STAG1: variants seen among roughly 807,000 people sequenced by gnomAD.
STAG1 encodes cohesin subunit SA-1.
Under a neutral mutation model 170.9 loss-of-function variants are expected in STAG1, and 26 were observed. The observed-to-expected ratio is 0.15, with a 90% CI of 0.11 to 0.21. The LOEUF (loss-of-function observed/expected upper bound fraction) is 0.21. Among genes scored for constraint, STAG1 ranks in the 10% least tolerant of loss-of-function variants. The probability of loss-of-function intolerance (pLI) is 1.00; values close to 1 mark genes in which losing one functional copy is unlikely to be tolerated. For synonymous variants in STAG1, 514 were observed against 497.7 expected, an observed-to-expected ratio of 1.03 and a Z score of -0.44; for missense variants, 964 against 1,509.5, an observed-to-expected ratio of 0.64 and a Z score of 5.99.
intron 6 of STAG1, among the ~76,000 whole-genome samples, chr3:136,523,233 A>G (rs1460813983): frequency 6.6e-6 from 1 of 152,134 alleles, no homozygotes; most frequent in East Asian, 1.9e-4. Flanking sequence ...AGTACCTGTC[A>G]TTTCCCGGCT....
Position 136,417,859 on chromosome 3 carries a change from C to G in STAG1, c.2196+26G>C. 7 of 1,571,756 alleles carry G rather than the reference C, an allele frequency of 4.5e-6. No homozygotes were observed. The Middle Eastern group carries it at 6.7e-4, about 150-fold the overall frequency. On this transcript the variant is annotated intron_variant, in intron 21 of 33. Coordinates refer to ENST00000383202, the MANE Select transcript of STAG1 (RefSeq NM_005862.3). ...AGAAAAACAACTTTCTAGAGTCATA[C>G]AGAAGGAATACCAATAAACTCCTAC...
intron 29 of STAG1, 147 bp downstream of exon 29, chr3:136,349,011 A>C: frequency 1.5e-6 from 1 of 655,156 alleles, no homozygotes; most frequent in Non-Finnish European, 2.6e-6. Flanking sequence ...CATCTGTTTC[A>C]ACCTTTTTGC....
intron 14 of STAG1, among the ~76,000 whole-genome samples, chr3:136,444,138 A>G (rs1348794402): frequency 1.3e-5 from 2 of 150,980 alleles, no homozygotes; most frequent in Non-Finnish European, 2.9e-5. Context: ...CAGTGGTGTG[A>G]CCTCAGCTCA....
At chr3:136,672,740 T>C (rs1301343581) in intron 1 of STAG1, among the ~76,000 whole-genome samples, 2 of 151,938 alleles carry the variant, frequency 1.3e-5, no homozygotes, top group Non-Finnish European at 2.9e-5. Context: ...CCAAGATACA[T>C]GCTAGTCATA....
intron 30 of STAG1, among the ~76,000 whole-genome samples, chr3:136,341,923 G>A (rs567080370): frequency 4.6e-5 from 7 of 152,314 alleles, no homozygotes; most frequent in South Asian, 2.1e-4. Flanking sequence ...CAACAAGGAA[G>A]AATATAGCAT....
intron 31 of STAG1, 76 bp from the exon 32 acceptor site, chr3:136,340,681 G>A (rs1452060247): frequency 8.3e-6 from 8 of 958,332 alleles, no homozygotes; most frequent in Non-Finnish European, 1.4e-5. Context: ...TCAGATTAAA[G>A]TTATTCTAAC....
At chr3:136,746,036 A>G (rs1934920539) in intron 1 of STAG1, among the ~76,000 whole-genome samples, 3 of 152,208 alleles carry the variant, frequency 2.0e-5, no homozygotes, top group Non-Finnish European at 2.9e-5. Flanking sequence ...CAACTGAATT[A>G]TAAGACACTT....
chr3:136,551,212 A>AGT (rs1239842914), intron 5 of STAG1, among the ~76,000 whole-genome samples: 1,115 of 40,688 alleles, frequency 0.027, 5 homozygotes, highest in South Asian at 0.04. Context: ...AGAGAGTGAG[A>AGT]GAGAGAGAGA....
At chr3:136,706,338 C>T (rs571795073) in intron 1 of STAG1, among the ~76,000 whole-genome samples, 1 of 151,962 alleles carries the variant, frequency 6.6e-6, no homozygotes, top group Non-Finnish European at 1.5e-5. Context: ...ATAAAATATT[C>T]CAAAGAATCA....
At chr3:136,415,816 G>A (rs1301310553) in intron 21 of STAG1, among the ~76,000 whole-genome samples, 1 of 151,946 alleles carries the variant, frequency 6.6e-6, no homozygotes, top group Non-Finnish European at 1.5e-5. Context: ...AGCGAGACTC[G>A]GTCTCAAACA....
chr3:136,694,066 A>C (rs1942807387), intron 1 of STAG1, among the ~76,000 whole-genome samples: 1 of 152,208 alleles, frequency 6.6e-6, no homozygotes, highest in African/African-American at 2.4e-5. Flanking sequence ...ATTTTCTCTG[A>C]ATACCACCTG....
chr3:136,551,973 C>T (rs1461210169), intron 5 of STAG1, among the ~76,000 whole-genome samples: 2 of 152,056 alleles, frequency 1.3e-5, no homozygotes, highest in Admixed American at 1.3e-4. Context: ...CAAAATACTT[C>T]ATATTCCAAT....
intron 2 of STAG1, 125 bp downstream of exon 2, chr3:136,630,745 A>G: frequency 2.7e-6 from 2 of 739,794 alleles, no homozygotes; most frequent in Admixed American, 5.1e-5. Flanking sequence ...TACACTGCAA[A>G]GATATTGTCC....
chr3:136,687,201 T>A (rs559078098), intron 1 of STAG1, among the ~76,000 whole-genome samples: 1 of 152,324 alleles, frequency 6.6e-6, no homozygotes, highest in South Asian at 2.1e-4. Context: ...TGAATCCCCC[T>A]CAAATGAAAC....
intron 15 of STAG1, among the ~76,000 whole-genome samples, chr3:136,441,931 C>T (rs1336124578): frequency 6.6e-6 from 1 of 152,194 alleles, no homozygotes; most frequent in East Asian, 1.9e-4. Context: ...GATGCGGTGG[C>T]TCACGCCTGT....
chr3:136,431,873 G>C (rs139991172), intron 16 of STAG1, among the ~76,000 whole-genome samples: 3 of 152,232 alleles, frequency 2.0e-5, no homozygotes, highest in South Asian at 4.1e-4. Flanking sequence ...ATGTGACTAT[G>C]TTGTGTCTAT....
intron 4 of STAG1, among the ~76,000 whole-genome samples, chr3:136,597,946 T>A (rs1938502114): frequency 2.6e-5 from 4 of 152,146 alleles, no homozygotes. Flanking sequence ...GCTAAGGAAG[T>A]TCCCTCTTGT....
chr3:136,714,660 G>A lies in STAG1; in HGVS notation c.-84+37535C>T, dbSNP rs553143133. 2.7e-3 allele frequency among the ~76,000 whole-genome samples: 411 copies of A among 151,908 alleles called. 1 individual carries two copies. Among genetic ancestry groups the A allele is most frequent in the South Asian group, 7.5e-3 (36 of 4,802 alleles). On this transcript the variant is annotated intron_variant, in intron 1 of 33. Coordinates refer to ENST00000383202, the MANE Select transcript of STAG1 (RefSeq NM_005862.3). ...GGAGAATGGCATGAACCCAGGAGGCGGAGCTTGCAGTGAGCCAAGATCGTG... is the reference window on the plus strand; with the variant it reads ...GGAGAATGGCATGAACCCAGGAGGCAGAGCTTGCAGTGAGCCAAGATCGTG...
chr3:136,443,640 G>A (rs1021628342), intron 14 of STAG1, among the ~76,000 whole-genome samples: 1 of 152,116 alleles, frequency 6.6e-6, no homozygotes, highest in Non-Finnish European at 1.5e-5. Flanking sequence ...CTAGTCCAAT[G>A]ACATCATTTA....
Sources: gnomAD v4.1 joint callset for allele counts (sites outside exome capture counted in the v4.1 genomes callset) on GRCh38, gnomAD v4.1.1 for gene constraint, MANE v1.5 for transcripts, NCBI Gene and HGNC (gene_info 2026-07-23, HGNC 2026-07-21) for gene names.